TRIO: variants seen among roughly 807,000 people sequenced by gnomAD.
TRIO encodes the protein trio Rho guanine nucleotide exchange factor.
In TRIO, 58 loss-of-function variants were observed where a neutral mutation model predicts 351.9. The observed-to-expected ratio is 0.16, with a 90% confidence interval of 0.13 to 0.21. The LOEUF is 0.21. TRIO is among the 10% of genes least tolerant of loss of function. The probability of loss-of-function intolerance (pLI) is 1.00; values close to 1 mark genes in which losing one functional copy is unlikely to be tolerated. For missense variants in TRIO, 3,201 were observed against 4,027.8 expected (o/e 0.79, Z 5.56); for synonymous variants, 1,758 against 1,595.7 (o/e 1.10, Z -2.42).
chr5:14,157,120 C>G (rs2152118672), intron 1 of TRIO, among the ~76,000 whole-genome samples: 1 of 152,282 alleles, frequency 6.6e-6, no homozygotes, highest in South Asian at 2.1e-4. Flanking sequence ...CCAGTACATT[C>G]TACAAGGAGG....
chr5:14,507,214 C>G lies in TRIO; in HGVS notation c.8705C>G (p.Ala2902Gly), dbSNP rs781534921. 1.9e-6 allele frequency: 3 copies of G among 1,611,862 alleles called. No individual in the cohort carries two copies. Among genetic ancestry groups the G allele is most frequent in the Non-Finnish European group, 1.7e-6 (2 of 1,179,848 alleles). Reference protein sequence around the residue: ...IRAHLGEVLEAVRYLHNCRIA... With the variant: ...IRAHLGEVLEGVRYLHNCRIA... Reference sequence around the variant, plus strand: ...GCGCACCTGGGGGAGGTTCTGGAAGCTGTCCGGTACCTGCACAACTGCAGG... The same window carrying G: ...GCGCACCTGGGGGAGGTTCTGGAAGGTGTCCGGTACCTGCACAACTGCAGG... Residue 2902 changes from alanine to glycine, a missense_variant, in exon 56 of 57, where the codon GCT becomes GGT. Ala to Gly is a moderately conservative substitution (Grantham distance 60, BLOSUM62 0). This residue lies in a region of TRIO where 233 missense variants were observed against 292.6 expected (regional missense o/e 0.80). Transcript: ENST00000344204.
chr5:14,442,355 C>A (rs377260596), intron 34 of TRIO, among the ~76,000 whole-genome samples: 1 of 152,058 alleles, frequency 6.6e-6, no homozygotes, highest in African/African-American at 2.4e-5. Flanking sequence ...AAGGGTCTTT[C>A]GGGGTGCAGG....
intron 34 of TRIO, chr5:14,420,889 C>T (rs1750066112): frequency 6.6e-6 from 1 of 152,226 alleles, no homozygotes; most frequent in Non-Finnish European, 1.5e-5. Flanking sequence ...TGTGCCTTTC[C>T]TGTGGTGTGT....
rs528409353 is a variant in TRIO, at chr5:14,201,549, C to T, written c.157+57667C>T. On this transcript the variant is annotated intron_variant, in intron 1 of 56. Coordinates refer to ENST00000344204, the MANE Select transcript of TRIO (RefSeq NM_007118.4). ...CATCGATTGTTAACTTTGAGGATTA[C>T]GTGTAGTTATTCTGATAACAGAAAC... Among the ~76,000 whole-genome samples the T allele has an allele frequency of 8.5e-4, 129 of 152,222 alleles. 1 individual carries two copies. The highest frequency in any genetic ancestry group is 1.5e-3 in the Non-Finnish European group (100 of 68,020).
In TRIO at chr5:14,488,731, A is replaced by G. The variant is rs116669588; in HGVS notation, c.7632+471A>G. On this transcript the variant is annotated intron_variant, in intron 48 of 56. Coordinates refer to ENST00000344204, the MANE Select transcript of TRIO (RefSeq NM_007118.4). Reference sequence around the variant, plus strand: ...TTTGACTCATCTGCTGGGGAAGACCATTCCCTCAAGAAAACTTCCAACAGC... The same window carrying G: ...TTTGACTCATCTGCTGGGGAAGACCGTTCCCTCAAGAAAACTTCCAACAGC... 844 of 582,064 alleles carry G rather than the reference A, an allele frequency of 1.5e-3. 9 individuals carry two copies. Among genetic ancestry groups the G allele is most frequent in the African/African-American group, 0.013 (702 of 53,682 alleles). The allele number at this position is 582,064 out of a possible 1,614,324, so 36.1% of individuals were successfully genotyped here. A position where few individuals can be genotyped will look rare whatever the true frequency, so the allele number is the denominator to read the frequency against.
At chr5:14,328,120 A>G (rs990248279) in intron 9 of TRIO, among the ~76,000 whole-genome samples, 10 of 152,254 alleles carry the variant, frequency 6.6e-5, no homozygotes, top group Admixed American at 3.3e-4. Context: ...AGTTAAAACA[A>G]TGCGCTCAAT....
rs2152362777 is a variant in TRIO at position 14,388,807 on chromosome 5, A to C, written c.3948+128A>C. On this transcript the variant is annotated intron_variant, in intron 24 of 56. Coordinates refer to ENST00000344204, the MANE Select transcript of TRIO (RefSeq NM_007118.4). Reference sequence around the variant, plus strand: ...TTTTTCTGTCATTTTTTTAAATGTAAAGTATGCTTCAGCAGCCGGTTTCAT... The same window carrying C: ...TTTTTCTGTCATTTTTTTAAATGTACAGTATGCTTCAGCAGCCGGTTTCAT... 2.7e-6 allele frequency: 3 copies of C among 1,115,236 alleles called. No individual in the cohort carries two copies. The East Asian group carries it at 7.5e-5, about 28-fold the overall frequency. The allele number at this position is 1,115,236 out of a possible 1,614,324, so 69.1% of individuals were successfully genotyped here.
At chr5:14,154,205 T>C (rs536646781) in intron 1 of TRIO, among the ~76,000 whole-genome samples, 1 of 152,208 alleles carries the variant, frequency 6.6e-6, no homozygotes, top group African/African-American at 2.4e-5. Flanking sequence ...TCTCTGGCTG[T>C]TAATGTGGGG....
intron 1 of TRIO, among the ~76,000 whole-genome samples, chr5:14,192,783 A>G (rs1790534890): frequency 1.3e-5 from 2 of 152,216 alleles, no homozygotes; most frequent in Non-Finnish European, 2.9e-5. Context: ...ACGTAGCCTC[A>G]GAGTTGAATT....
At chr5:14,471,597 T>G in intron 38 of TRIO, 131 bp downstream of exon 38, 1 of 1,212,496 alleles carries the variant, frequency 8.2e-7, no homozygotes, top group Non-Finnish European at 1.1e-6. Flanking sequence ...ATTAAGTAAC[T>G]GCACGTATGT....
chr5:14,217,645 T>G (rs372677509), intron 1 of TRIO, among the ~76,000 whole-genome samples: 1 of 152,198 alleles, frequency 6.6e-6, no homozygotes, highest in South Asian at 2.1e-4. Flanking sequence ...ACTAAATTAA[T>G]GAGAAAATGG....
intron 18 of TRIO, among the ~76,000 whole-genome samples, chr5:14,371,578 T>C (rs1335724038): frequency 1.3e-5 from 2 of 152,034 alleles, no homozygotes; most frequent in Non-Finnish European, 2.9e-5. Flanking sequence ...TTTAAAATTA[T>C]AGTAATTCTT....
chr5:14,238,644 C>T (rs1351251531), intron 1 of TRIO, among the ~76,000 whole-genome samples: 1 of 152,210 alleles, frequency 6.6e-6, no homozygotes, highest in African/African-American at 2.4e-5. Context: ...TGTAACTTTT[C>T]ATATTTCATC....
intron 34 of TRIO, among the ~76,000 whole-genome samples, chr5:14,456,183 A>G (rs540885409): frequency 9.8e-5 from 15 of 152,298 alleles, no homozygotes; most frequent in Non-Finnish European, 1.8e-4. Flanking sequence ...CGCTGAGCAC[A>G]CGCCCACCTG....
chr5:14,318,279 C>CAAA (rs759632595), intron 9 of TRIO, among the ~76,000 whole-genome samples: 699 of 46,492 alleles, frequency 0.015, 49 homozygotes, highest in African/African-American at 0.053. Flanking sequence ...GACTCTATCT[C>CAAA]AAAAAAAAAA....
chr5:14,337,095 T>A (rs1322269599), intron 11 of TRIO, among the ~76,000 whole-genome samples: 2 of 152,172 alleles, frequency 1.3e-5, no homozygotes, highest in African/African-American at 4.8e-5. Flanking sequence ...TGCCTCTGGA[T>A]TTTACGAGAC....
chr5:14,447,906 G>A (rs779734236), intron 34 of TRIO, among the ~76,000 whole-genome samples: 9 of 152,176 alleles, frequency 5.9e-5, no homozygotes, highest in Non-Finnish European at 4.4e-5. Flanking sequence ...TGTGAGCACC[G>A]TGGGACTGCT....
intron 4 of TRIO, among the ~76,000 whole-genome samples, chr5:14,289,961 G>C (rs905989552): frequency 6.6e-6 from 1 of 152,212 alleles, no homozygotes; most frequent in African/African-American, 2.4e-5. Context: ...CTCTAGGACT[G>C]TTCAGAATCA....
intron 9 of TRIO, among the ~76,000 whole-genome samples, chr5:14,322,829 T>C (rs1350143751): frequency 6.6e-6 from 1 of 152,228 alleles, no homozygotes; most frequent in Admixed American, 6.5e-5. Flanking sequence ...GATTGCCATC[T>C]TCTCTGAGTT....
Sources: gnomAD v4.1 joint callset for allele counts (sites outside exome capture counted in the v4.1 genomes callset) on GRCh38, gnomAD v4.1.1 for gene constraint, gnomAD v4.1.1 regional missense constraint, MANE v1.5 for transcripts, NCBI Gene and HGNC (gene_info 2026-07-23, HGNC 2026-07-21) for gene names.